ATP1B1: variants seen among roughly 807,000 people sequenced by gnomAD.
The protein encoded by ATP1B1 is sodium/potassium-transporting ATPase subunit beta-1.
Under a neutral mutation model 39.6 loss-of-function variants are expected in ATP1B1, and 3 were observed. The observed-to-expected ratio is 0.08, with a 90% CI of 0.03 to 0.20. The LOEUF (loss-of-function observed/expected upper bound fraction) is 0.20, where lower values mean the gene tolerates loss of function less well. Ranked by LOEUF, ATP1B1 falls within the 10% of genes least tolerant of loss-of-function variation. The pLI is 1.00. For missense variants in ATP1B1, 216 were observed against 371.1 expected, an observed-to-expected ratio of 0.58 and a Z score of 3.43; for synonymous variants, 139 against 135.0, an observed-to-expected ratio of 1.03 and a Z score of -0.20.
chr1:169,124,568 T>C (rs750028025), intron 2 of ATP1B1, among the ~76,000 whole-genome samples: 73 of 152,344 alleles, frequency 4.8e-4, no homozygotes, highest in Middle Eastern at 3.4e-3. Flanking sequence ...GAATTCTGGT[T>C]CTACCACTTT....
At chr1:169,119,319 A>T (rs1380356508) in intron 2 of ATP1B1, among the ~76,000 whole-genome samples, 1 of 152,246 alleles carries the variant, frequency 6.6e-6, no homozygotes, top group African/African-American at 2.4e-5. Flanking sequence ...AAGGCAAATG[A>T]TCCTATCAGA....
chr1:169,125,332 C>T (rs375543614), intron 3 of ATP1B1, among the ~76,000 whole-genome samples: 1 of 115,294 alleles, frequency 8.7e-6, no homozygotes, highest in African/African-American at 3.8e-5. Context: ...CTTTCTCTTA[C>T]ATCCGTTGAA....
At chr1:169,126,614 G>C (rs1312701827) in intron 3 of ATP1B1, among the ~76,000 whole-genome samples, 2 of 152,180 alleles carry the variant, frequency 1.3e-5, no homozygotes. Flanking sequence ...AGGATGCTGA[G>C]GTGGGAGGAT....
Position 169,106,742 on chromosome 1 carries a change from G to C in ATP1B1, c.-88G>C. On this transcript the variant is annotated 5_prime_UTR_variant, in exon 1 of 6. Transcript: ENST00000367815. The stretch of plus-strand genomic sequence containing the variant: ...CGTCCTGCCTGCAGAGAGCCAGGCC[G>C]GAGAAGCCGAGCGGCGCAGAGGACG... 9.1e-7 allele frequency: 1 copy of C among 1,093,710 alleles called. No homozygotes were observed. The highest frequency in any genetic ancestry group is 1.3e-6 in the Non-Finnish European group (1 of 789,322). The allele number at this position is 1,093,710 out of a possible 1,614,324, so 67.8% of individuals were successfully genotyped here.
At chr1:169,117,995 T>C (rs1221686192) in intron 2 of ATP1B1, among the ~76,000 whole-genome samples, 1 of 152,262 alleles carries the variant, frequency 6.6e-6, no homozygotes, top group Admixed American at 6.5e-5. Flanking sequence ...TTGAGCATAA[T>C]TAATGTAAAA....
chr1:169,124,678 T>C (rs187307978), intron 2 of ATP1B1, among the ~76,000 whole-genome samples: 46 of 152,292 alleles, frequency 3.0e-4, no homozygotes, highest in Non-Finnish European at 6.2e-4. Context: ...CTATGGAAAT[T>C]AACTGATCTG....
At chr1:169,112,085 A>C (rs1333458371) in intron 2 of ATP1B1, among the ~76,000 whole-genome samples, 1 of 152,210 alleles carries the variant, frequency 6.6e-6, no homozygotes, top group African/African-American at 2.4e-5. Flanking sequence ...AGTCACTCTT[A>C]CTTCTCAATA....
intron 4 of ATP1B1, among the ~76,000 whole-genome samples, chr1:169,129,791 C>T (rs1658165992): frequency 1.3e-5 from 2 of 152,156 alleles, no homozygotes; most frequent in African/African-American, 4.8e-5. Context: ...TAATTGTAGT[C>T]GTTATAAACT....
At chr1:169,122,085 C>T (rs906376663) in intron 2 of ATP1B1, among the ~76,000 whole-genome samples, 6 of 152,234 alleles carry the variant, frequency 3.9e-5, no homozygotes, top group Non-Finnish European at 8.8e-5. Flanking sequence ...GACTCCCAAA[C>T]ATCACACAGA....
In ATP1B1 at chr1:169,132,371, A is replaced by G; in HGVS notation, c.*816A>G. On this transcript the variant is annotated 3_prime_UTR_variant, in exon 6 of 6. Coordinates refer to ENST00000367815, the MANE Select transcript of ATP1B1 (RefSeq NM_001677.4). ...TAATTTGCTTTATACATTTTCTTTT[A>G]CTTTCCTTTTTTCCTTTCTGGAGGC... 2.2e-6 allele frequency: 1 copy of G among 459,780 alleles called. No homozygotes were observed. The highest frequency in any genetic ancestry group is 3.5e-5 in the East Asian group (1 of 28,730). 28.5% of individuals were successfully genotyped at this position (459,780 alleles called of 1,614,324 possible).
intron 4 of ATP1B1, among the ~76,000 whole-genome samples, chr1:169,128,651 A>G (rs1231561223): frequency 1.3e-5 from 2 of 152,220 alleles, no homozygotes; most frequent in African/African-American, 4.8e-5. Context: ...TTGCTGGGGA[A>G]TACTTCACTG....
At chr1:169,110,819 C>A in intron 1 of ATP1B1, 1 of 550,132 alleles carries the variant, frequency 1.8e-6, no homozygotes, top group Non-Finnish European at 2.7e-6. Context: ...GTAAAAAAAA[C>A]AGGAGGATAT....
At chr1:169,126,772 CA>C (rs985483354) in intron 3 of ATP1B1, among the ~76,000 whole-genome samples, 4 of 146,330 alleles carry the variant, frequency 2.7e-5, no homozygotes, top group East Asian at 2.0e-4. Flanking sequence ...AAATTCTGAC[CA>C]AAAAAAAAAC....
intron 2 of ATP1B1, among the ~76,000 whole-genome samples, chr1:169,120,945 CTTTTCTTTTT>C (rs1193737997): frequency 7.8e-6 from 1 of 127,810 alleles, no homozygotes; most frequent in Non-Finnish European, 1.7e-5. Flanking sequence ...TTTTTCTTTT[CTTTTCTTTTT>C]TTTTTTTTTT....
At chr1:169,129,985 T>C (rs768341479) in intron 4 of ATP1B1, 25 bp from the exon 5 acceptor site, 1 of 1,599,094 alleles carries the variant, frequency 6.3e-7, no homozygotes, top group Non-Finnish European at 8.5e-7. Context: ...TACAATCTAC[T>C]GATCATAATG....
chr1:169,114,161 A>G (rs113887835), intron 2 of ATP1B1, among the ~76,000 whole-genome samples: 3,788 of 114,110 alleles, frequency 0.033, 173 homozygotes, highest in African/African-American at 0.11. Context: ...TTCAATGCCA[A>G]GGACCCTCCT....
chr1:169,131,910 C>G lies in ATP1B1; in HGVS notation c.*355C>G, dbSNP rs986756282. 3.0e-6 allele frequency: 1 copy of G among 335,504 alleles called. No homozygotes were observed. The highest frequency in any genetic ancestry group is 4.8e-5 in the Admixed American group (1 of 20,780). The allele number at this position is 335,504 out of a possible 1,614,324, so 20.8% of individuals were successfully genotyped here. A position where few individuals can be genotyped will look rare whatever the true frequency, so the allele number is the denominator to read the frequency against. ...TAGTGTACAGTACTACAGGTGCATA[C>G]TCTGGTCATTTTTCAAGCCATGTTT... On this transcript the variant is annotated 3_prime_UTR_variant, in exon 6 of 6. Transcript: ENST00000367815. The surrounding 1 kb of genome is among the most constrained non-coding windows in gnomAD (Gnocchi z 4.4).
rs764876165 is a variant in ATP1B1 at position 169,124,903 on chromosome 1, G to A, written c.246G>A (p.Gln82=). 3.1e-5 allele frequency: 50 copies of A among 1,613,804 alleles called. No individual in the cohort carries two copies. The highest frequency in any genetic ancestry group is 5.0e-5 in the Admixed American group (3 of 59,966). ...VAPPGLTQIP[Q]IQKTEISFRP... ...GTCTAGGATTAACACAGATTCCTCA[G>A]ATCCAGAAGACTGAAATTTCCTTTC... The change falls in exon 3 of 6, where the codon CAG becomes CAA. Residue 82 remains glutamine (Q), a synonymous_variant. Coordinates refer to ENST00000367815, the MANE Select transcript of ATP1B1 (RefSeq NM_001677.4).
chr1:169,125,186 A>C, intron 3 of ATP1B1, 147 bp downstream of exon 3: 2 of 1,083,930 alleles, frequency 1.8e-6, no homozygotes, highest in Non-Finnish European at 2.6e-6. Flanking sequence ...CTTTTTTTAA[A>C]AAAAGCAGGA....
Sources: allele counts gnomAD v4.1 joint callset (sites outside exome capture counted in the v4.1 genomes callset), GRCh38; gene constraint gnomAD v4.1.1; non-coding constraint Gnocchi (gnomAD v3.1); transcripts MANE v1.5; gene names NCBI Gene and HGNC (gene_info 2026-07-23, HGNC 2026-07-21).